BCL9: variants seen among roughly 807,000 people sequenced by gnomAD.
BCL9 encodes the protein B-cell CLL/lymphoma 9 protein.
Under a neutral mutation model 88.5 loss-of-function variants are expected in BCL9, and 25 were observed. The observed-to-expected ratio is 0.28, with a 90% confidence interval of 0.21 to 0.39. The LOEUF is 0.39. Ranked by LOEUF, BCL9 falls within the 10% of genes least tolerant of loss-of-function variation. The pLI is 1.00. For synonymous variants in BCL9, 711 were observed against 673.3 expected (o/e 1.06, Z -0.87); for missense variants, 1,817 against 1,877.8 (o/e 0.97, Z 0.60).
In BCL9 at chr1:147,624,745, G is replaced by T; in HGVS notation, c.4067G>T (p.Gly1356Val). ...TLMSNPAAAV[G>V]MIPGKDRGPA... ...ATGAGCAATCCAGCTGCTGCCGTGG[G>T]CATGATTCCTGGCAAGGATCGGGGG... Residue 1356 changes from glycine to valine, a missense_variant, in exon 10 of 10, where the codon GGC becomes GTC. By Grantham distance (109) the Gly-to-Val change is moderately radical. Around this residue, in one of 2 missense-constraint regions of BCL9, gnomAD observed 589 missense variants for 686.2 expected, o/e 0.86. Transcript: ENST00000234739. The surrounding 1 kb of genome is among the most constrained non-coding windows in gnomAD (Gnocchi z 4.4). The T allele has an allele frequency of 6.2e-7, 1 of 1,614,148 alleles. No individual in the cohort carries two copies. Among genetic ancestry groups the T allele is most frequent in the Admixed American group, 1.7e-5 (1 of 60,030 alleles).
chr1:147,590,858 C>T (rs1191242483), intron 1 of BCL9, among the ~76,000 whole-genome samples: 4 of 152,150 alleles, frequency 2.6e-5, no homozygotes, highest in Non-Finnish European at 4.4e-5. Flanking sequence ...TATTATTAAT[C>T]GTTATGATGG....
In BCL9 at chr1:147,619,191, G is replaced by A; in HGVS notation, c.1036G>A (p.Glu346Lys). Reference sequence around the variant, plus strand: ...CAGTGGCGAGCCCCCCACACTGGGAGAGAATCCCGATGGCCTATCTCAGGA... The same window carrying A: ...CAGTGGCGAGCCCCCCACACTGGGAAAGAATCCCGATGGCCTATCTCAGGA... ...VSSGEPPTLG[E>K]NPDGLSQEQL... Residue 346 changes from glutamate (E) to lysine (K), a missense_variant, in exon 8 of 10, where the codon GAG (glutamate) becomes AAG (lysine). Physicochemically the swap from Glu to Lys is moderately conservative, Grantham distance 56 (BLOSUM62 1). Coordinates refer to ENST00000234739, the MANE Select transcript of BCL9 (RefSeq NM_004326.4). The surrounding 1 kb of genome is among the most constrained non-coding windows in gnomAD (Gnocchi z 4.1). The A allele has an allele frequency of 1.2e-6, 2 of 1,613,878 alleles. No homozygotes were observed. The highest frequency in any genetic ancestry group is 1.7e-6 in the Non-Finnish European group (2 of 1,179,858).
At chr1:147,582,590 G>A (rs1656415801) in intron 1 of BCL9, among the ~76,000 whole-genome samples, 1 of 152,152 alleles carries the variant, frequency 6.6e-6, no homozygotes, top group Non-Finnish European at 1.5e-5. Context: ...TACAGCCTAT[G>A]AGCTAAGAAT....
At chr1:147,558,738 A>G (rs1655233302) in intron 1 of BCL9, among the ~76,000 whole-genome samples, 1 of 152,104 alleles carries the variant, frequency 6.6e-6, no homozygotes, top group Non-Finnish European at 1.5e-5. Context: ...ATGATATAGA[A>G]ATCTCTCTTT....
At position 147,624,317 on chromosome 1, in the gene BCL9, G is replaced by A. The variant is rs782171248; in HGVS notation, c.3639G>A (p.Ser1213=). Residue 1213 remains serine (S), a synonymous_variant, in exon 10 of 10, where the codon TCG becomes TCA. Coordinates refer to ENST00000234739, the MANE Select transcript of BCL9 (RefSeq NM_004326.4). The surrounding 1 kb of genome is among the most constrained non-coding windows in gnomAD (Gnocchi z 4.4). ...CTGTCCTGGGGAACAGCATGCCTTCGGTGTTTACAGACCCAGATCTGCAGG... is the reference window on the plus strand; with the variant it reads ...CTGTCCTGGGGAACAGCATGCCTTCAGTGTTTACAGACCCAGATCTGCAGG... The part of the protein sequence containing the change: ...SFTVLGNSMP[S]VFTDPDLQEV... The A allele has an allele frequency of 4.3e-6, 7 of 1,613,994 alleles. No individual in the cohort carries two copies. Among genetic ancestry groups the A allele is most frequent in the South Asian group, 1.1e-5 (1 of 91,084 alleles).
intron 1 of BCL9, among the ~76,000 whole-genome samples, chr1:147,575,368 A>G (rs1656062868): frequency 6.6e-6 from 1 of 152,028 alleles, no homozygotes; most frequent in Non-Finnish European, 1.5e-5. Flanking sequence ...TTCCCACCAA[A>G]CCATAAGCTC....
rs1557866028 is a variant in BCL9 at position 147,624,548 on chromosome 1, C to T, written c.3870C>T (p.Gly1290=). ...QAPRMGLALP[G]MGGPGPVGTP... ...CCAGAATGGGACTAGCATTACCTGG[C>T]ATGGGAGGTCCAGGGCCAGTGGGAA... The change falls in exon 10 of 10, where the codon GGC becomes GGT. Residue 1290 remains glycine, a synonymous_variant. Coordinates refer to ENST00000234739, the MANE Select transcript of BCL9 (RefSeq NM_004326.4). This position sits in a 1 kb window ranked among gnomAD's most constrained non-coding sequence, Gnocchi z 4.4. 3.7e-6 allele frequency: 6 copies of T among 1,614,184 alleles called. No homozygotes were observed. The highest frequency in any genetic ancestry group is 1.6e-4 in the Middle Eastern group (1 of 6,062).
At position 147,611,750 on chromosome 1, in the gene BCL9, C is replaced by T; in HGVS notation, c.-87C>T. The T allele has an allele frequency of 7.3e-7, 1 of 1,364,714 alleles. No individual in the cohort carries two copies. The highest frequency in any genetic ancestry group is 1.4e-5 in the African/African-American group (1 of 69,872). The allele number at this position is 1,364,714 out of a possible 1,614,324, so 84.5% of individuals were successfully genotyped here. On this transcript the variant is annotated 5_prime_UTR_variant, in exon 4 of 10. Coordinates refer to ENST00000234739, the MANE Select transcript of BCL9 (RefSeq NM_004326.4). ...CCCAGCAAGCAGTGGGCCAGTGCCACTGCCCCCAGCAGCTGTTTCTGCTGC... is the reference window on the plus strand; with the variant it reads ...CCCAGCAAGCAGTGGGCCAGTGCCATTGCCCCCAGCAGCTGTTTCTGCTGC...
At chr1:147,606,664 C>T (rs1657725945) in intron 2 of BCL9, 120 bp from the exon 3 acceptor site, 1 of 152,180 alleles carries the variant, frequency 6.6e-6, no homozygotes, top group Admixed American at 6.5e-5. Context: ...ACAGCTTCGT[C>T]TTAAACTGAT....
chr1:147,557,935 T>C (rs994428604), intron 1 of BCL9, among the ~76,000 whole-genome samples: 4 of 152,178 alleles, frequency 2.6e-5, no homozygotes, highest in Non-Finnish European at 4.4e-5. Flanking sequence ...ATGCTAATTA[T>C]TTAATATATG....
Position 147,619,201 on chromosome 1 carries a change from A to G in BCL9, c.1046A>G (p.Asp349Gly), listed in dbSNP as rs782111175. Residue 349 changes from aspartate (D) to glycine (G), a missense_variant, in exon 8 of 10, where the codon GAT becomes GGT. Physicochemically the swap from Asp to Gly is moderately conservative, Grantham distance 94. This residue lies in a region of BCL9 where 1,228 missense variants were observed against 1,191.6 expected (regional missense o/e 1.03). Coordinates refer to ENST00000234739, the MANE Select transcript of BCL9 (RefSeq NM_004326.4). The surrounding 1 kb of genome is among the most constrained non-coding windows in gnomAD (Gnocchi z 4.1). The part of the protein sequence containing the change: ...GEPPTLGENP[D>G]GLSQEQLEHR... ...CCCCCCACACTGGGAGAGAATCCCG[A>G]TGGCCTATCTCAGGAGCAGCTGGAG... 5 of 1,613,864 alleles carry G rather than the reference A, an allele frequency of 3.1e-6. No homozygotes were observed. Among genetic ancestry groups the G allele is most frequent in the African/African-American group, 2.7e-5 (2 of 74,906 alleles).
At chr1:147,568,482 G>GAAAAAAAAAAAAAAA (rs201771944) in intron 1 of BCL9, among the ~76,000 whole-genome samples, 1 of 148,642 alleles carries the variant, frequency 6.7e-6, no homozygotes. Context: ...AAGCAAAAAA[G>GAAAAAAAAAAAAAAA]AAAAAAAAAA....
At chr1:147,608,677 C>T (rs1203730626) in intron 3 of BCL9, among the ~76,000 whole-genome samples, 3 of 152,104 alleles carry the variant, frequency 2.0e-5, no homozygotes, top group African/African-American at 7.2e-5. Context: ...ACCTAGGAGA[C>T]GTAGAAGGTA....
chr1:147,619,509 T>C lies in BCL9; in HGVS notation c.1354T>C (p.Ser452Pro). The C allele has an allele frequency of 6.2e-7, 1 of 1,614,008 alleles. No homozygotes were observed. The highest frequency in any genetic ancestry group is 8.5e-7 in the Non-Finnish European group (1 of 1,179,998). ...PDEMVPPSMN[S>P]QSGTIGPDHL... ...TGAAATGGTTCCACCTTCTATGAAC[T>C]CCCAGTCTGGGACCATAGGACCCGA... is the stretch of plus-strand genomic sequence containing the variant. The change falls in exon 8 of 10, where the codon TCC becomes CCC. Residue 452 changes from serine (S) to proline (P), a missense_variant. Around this residue, in one of 2 missense-constraint regions of BCL9, gnomAD observed 1,228 missense variants for 1,191.6 expected, o/e 1.03. Coordinates refer to ENST00000234739, the MANE Select transcript of BCL9 (RefSeq NM_004326.4). The surrounding 1 kb of genome is among the most constrained non-coding windows in gnomAD (Gnocchi z 4.1).
intron 8 of BCL9, 37 bp downstream of exon 8, chr1:147,621,094 G>T: frequency 6.4e-7 from 1 of 1,563,426 alleles, no homozygotes. Context: ...GCACCTAGTA[G>T]CTGGAGACTG....
intron 4 of BCL9, among the ~76,000 whole-genome samples, chr1:147,612,542 A>G (rs1658064639): frequency 6.6e-6 from 1 of 152,098 alleles, no homozygotes; most frequent in Admixed American, 6.5e-5. Context: ...GATCTTAACG[A>G]TGCCTGTTTG....
rs183085904 is a variant in BCL9, at chr1:147,542,649, G to C, written c.-478+975G>C. On this transcript the variant is annotated intron_variant, in intron 1 of 9. Transcript: ENST00000234739. Reference sequence around the variant, plus strand: ...CATTTCTAAGGAAACAAAAAGCCTTGTTCCACCTGTTGGCTTCTGTCCTTT... The same window carrying C: ...CATTTCTAAGGAAACAAAAAGCCTTCTTCCACCTGTTGGCTTCTGTCCTTT... Among the ~76,000 whole-genome samples the C allele has an allele frequency of 6.1e-5, 9 of 148,404 alleles. No individual in the cohort carries two copies. The Admixed American group carries it at 6.1e-4, about 10-fold the overall frequency.
At chr1:147,577,833 A>AGTGT (rs1656177018) in intron 1 of BCL9, among the ~76,000 whole-genome samples, 10 of 64,092 alleles carry the variant, frequency 1.6e-4, no homozygotes, top group African/African-American at 4.8e-4. Context: ...TTTTTCTACC[A>AGTGT]ATGTGTGTGT....
chr1:147,568,320 C>T (rs1247429083), intron 1 of BCL9, among the ~76,000 whole-genome samples: 1 of 152,066 alleles, frequency 6.6e-6, no homozygotes, highest in African/African-American at 2.4e-5. Flanking sequence ...GCCCTGTTGA[C>T]TGATACAACC....
Sources: allele counts gnomAD v4.1 joint callset (sites outside exome capture counted in the v4.1 genomes callset), GRCh38; gene constraint gnomAD v4.1.1; regional missense constraint gnomAD v4.1.1; non-coding constraint Gnocchi (gnomAD v3.1); transcripts MANE v1.5; gene names NCBI Gene and HGNC (gene_info 2026-07-23, HGNC 2026-07-21).